DALRD3: variants seen among roughly 807,000 people sequenced by gnomAD.
DALRD3 encodes DALR anticodon binding domain containing 3.
Under a neutral mutation model 56.7 loss-of-function variants are expected in DALRD3, and 47 were observed. The observed-to-expected ratio is 0.83, with a 90% CI of 0.66 to 1.06. The LOEUF is 1.06. Ranked by LOEUF, DALRD3 falls within the 50% of genes least tolerant of loss-of-function variation. DALRD3 has a pLI of 0.00. For missense variants in DALRD3, 787 were observed against 724.0 expected (o/e 1.09, Z -1.00); for synonymous variants, 347 against 308.5 (o/e 1.12, Z -1.31).
chr3:49,020,755 G>A (rs758320245), upstream of DALRD3: 5 of 450,600 alleles, frequency 1.1e-5, no homozygotes, highest in South Asian at 8.0e-5. Flanking sequence ...ACTCGCCCTG[G>A]GGCCACATCA....
chr3:49,017,901 G>A, intron 2 of DALRD3, 32 bp from the exon 3 acceptor site: 1 of 1,579,580 alleles, frequency 6.3e-7, no homozygotes, highest in Non-Finnish European at 8.5e-7. Context: ...CTCAGTCTGA[G>A]CACCTGGTCC....
In DALRD3 at chr3:49,016,234, T is replaced by C; in HGVS notation, c.1253A>G (p.Lys418Arg). ...ARLATLFESY[K>R]CSMEQGLYPT... Reference sequence around the variant, plus strand: ...GTACAGACCTTGTTCCATACTACACTTGTAACTCTCAAAGAGTGTGGCAAG... The same window carrying C: ...GTACAGACCTTGTTCCATACTACACCTGTAACTCTCAAAGAGTGTGGCAAG... Residue 418 changes from lysine to arginine, a missense_variant, in exon 9 of 12, where the codon AAG becomes AGG. Physicochemically the swap from Lys to Arg is conservative, Grantham distance 26. Coordinates refer to ENST00000341949, the MANE Select transcript of DALRD3 (RefSeq NM_001009996.3). 1 of 1,614,132 alleles carries C rather than the reference T, an allele frequency of 6.2e-7. No homozygotes were observed.
rs372270652 is a variant in DALRD3, at chr3:49,018,406, G to T, written c.159C>A (p.Asp53Glu). 1.3e-6 allele frequency: 2 copies of T among 1,569,112 alleles called. No individual in the cohort carries two copies. The highest frequency in any genetic ancestry group is 1.7e-6 in the Non-Finnish European group (2 of 1,159,354). ...PHRALQARFD[D>E]GQVPEHLLHA... is the part of the protein sequence containing the mutation. ...CCGCCCGGCTCACGCCCACCTGGCCGTCATCGAAGCGCGCCTGCAGCGCGC... is the reference window on the plus strand; with the variant it reads ...CCGCCCGGCTCACGCCCACCTGGCCTTCATCGAAGCGCGCCTGCAGCGCGC... The change falls in exon 1 of 12, where the codon GAC (aspartate) becomes GAA (glutamate). Residue 53 changes from aspartate to glutamate, a missense_variant. Coordinates refer to ENST00000341949, the MANE Select transcript of DALRD3 (RefSeq NM_001009996.3).
chr3:49,020,161 G>A (rs774483175), upstream of DALRD3: 2 of 534,548 alleles, frequency 3.7e-6, no homozygotes, highest in Non-Finnish European at 7.7e-6. Flanking sequence ...AGAGCACTGG[G>A]CGGACACGAC....
chr3:49,019,104 G>A, upstream of DALRD3: 7 of 890,290 alleles, frequency 7.9e-6, no homozygotes, highest in Non-Finnish European at 9.4e-6. Flanking sequence ...ACGGAGTCTT[G>A]CTCTTGTCTC....
chr3:49,018,808 G>A (rs1224376847), upstream of DALRD3: 11 of 985,312 alleles, frequency 1.1e-5, no homozygotes, highest in Non-Finnish European at 1.3e-5. Flanking sequence ...TTCTTTCGCT[G>A]TGACCCAGGC....
chr3:49,018,137 T>C lies in DALRD3; in HGVS notation c.347A>G (p.Gln116Arg). ...ATPASPASLG[Q>R]RVLLHCPALR... ...TGCTGGGCAGTGTAGTAAGACGCGC[T>C]GGCCCAGCGAGGCAGGCGAGGCGGG... Residue 116 changes from glutamine to arginine, a missense_variant, in exon 2 of 12, where the codon CAG becomes CGG. Transcript: ENST00000341949. 1 of 1,465,464 alleles carries C rather than the reference T, an allele frequency of 6.8e-7. No individual in the cohort carries two copies. The highest frequency in any genetic ancestry group is 8.9e-7 in the Non-Finnish European group (1 of 1,119,600). 90.8% of individuals were successfully genotyped at this position (1,465,464 alleles called of 1,614,324 possible).
intron 2 of DALRD3, 37 bp downstream of exon 2, chr3:49,017,986 C>T (rs1045882213): frequency 3.4e-6 from 5 of 1,477,742 alleles, no homozygotes; most frequent in Non-Finnish European, 3.6e-6. Flanking sequence ...ACCCGGCAGT[C>T]CCACTTTCTC....
intron 5 of DALRD3, 72 bp from the exon 6 acceptor site, chr3:49,016,919 C>T: frequency 6.4e-7 from 1 of 1,554,900 alleles, no homozygotes; most frequent in Non-Finnish European, 8.9e-7. Flanking sequence ...GAGCCCAAAT[C>T]TGGTGCCTCT....
chr3:49,016,379 C>A, intron 8 of DALRD3, 39 bp from the exon 9 acceptor site: 1 of 1,602,646 alleles, frequency 6.2e-7, no homozygotes, highest in Middle Eastern at 1.7e-4. Flanking sequence ...GAGAAGGCAG[C>A]CACCACACCC....
upstream of DALRD3, chr3:49,018,774 T>C (rs1347647701): frequency 5.1e-6 from 5 of 985,272 alleles, no homozygotes; most frequent in Non-Finnish European, 6.0e-6. Context: ...ATCTGAAATC[T>C]CGGGGCCCTC....
chr3:49,015,991 A>C lies in DALRD3; in HGVS notation c.1425T>G (p.Ile475Met), dbSNP rs2093062157. ...GCCTCACCATCTCTGTGCGTACAGC[A>C]ATGTGGAGCCCCGGGGCTGTGCAGT... ...VLDCTAPGLHIAVRTEMICKF... is the reference protein window; with the variant it reads ...VLDCTAPGLHMAVRTEMICKF... Residue 475 changes from isoleucine to methionine, a missense_variant, in exon 10 of 12, where the codon ATT becomes ATG. Ile to Met is a conservative substitution (Grantham distance 10). Coordinates refer to ENST00000341949, the MANE Select transcript of DALRD3 (RefSeq NM_001009996.3). 1 of 1,612,716 alleles carries C rather than the reference A, an allele frequency of 6.2e-7. No individual in the cohort carries two copies. Among genetic ancestry groups the C allele is most frequent in the Non-Finnish European group, 8.5e-7 (1 of 1,179,092 alleles).
At chr3:49,016,363 CAG>C (rs2093070224) in intron 8 of DALRD3, 23 bp from the exon 9 acceptor site, 3 of 1,604,598 alleles carry the variant, frequency 1.9e-6, no homozygotes, top group Middle Eastern at 3.3e-4. Flanking sequence ...AGCACAGCTG[CAG>C]AGAGAGAAGG....
chr3:49,018,668 G>A (rs1023229245), upstream of DALRD3: 48 of 1,430,668 alleles, frequency 3.4e-5, no homozygotes, highest in African/African-American at 4.5e-5. Context: ...GTCCCCGTAA[G>A]TGGACAGGTG....
chr3:49,017,586 C>G (rs1462184489), intron 3 of DALRD3, 27 bp downstream of exon 3: 1 of 1,614,006 alleles, frequency 6.2e-7, no homozygotes, highest in Non-Finnish European at 8.5e-7. Flanking sequence ...CCTGCCTTTT[C>G]TGGCCCTGCT....
chr3:49,018,649 G>A, upstream of DALRD3: 1 of 1,446,616 alleles, frequency 6.9e-7, no homozygotes, highest in Non-Finnish European at 9.1e-7. Context: ...GGGCGGGGAT[G>A]CGGCGGTGGT....
upstream of DALRD3, chr3:49,019,040 T>C (rs2093128094): frequency 2.0e-6 from 2 of 985,318 alleles, no homozygotes; most frequent in Admixed American, 6.1e-5. Flanking sequence ...CGGTTTCAGG[T>C]TATTTGCAAG....
chr3:49,020,864 G>C (rs896544494), upstream of DALRD3: 4 of 303,510 alleles, frequency 1.3e-5, no homozygotes, highest in Non-Finnish European at 2.8e-5. Context: ...CAGAACAATA[G>C]AAGGGGAGGT....
upstream of DALRD3, chr3:49,018,873 C>CT (rs1488725207): frequency 1.0e-6 from 1 of 985,340 alleles, no homozygotes; most frequent in African/African-American, 1.7e-5. Context: ...CGGGTACCGT[C>CT]TCTTCTCATC....
Sources: gnomAD v4.1 joint callset for allele counts on GRCh38, gnomAD v4.1.1 for gene constraint, MANE v1.5 for transcripts, NCBI Gene and HGNC (gene_info 2026-07-23, HGNC 2026-07-21) for gene names.